The following ADAM22 variants were observed in gnomAD, a reference collection of about 807,000 sequenced individuals.
The protein encoded by ADAM22 is ADAM metallopeptidase domain 22, also known as disintegrin and metalloproteinase domain-containing protein 22.
In ADAM22, 65 loss-of-function variants were observed where a neutral mutation model predicts 144.6. The observed-to-expected ratio is 0.45, with a 90% CI of 0.37 to 0.55. The LOEUF is 0.55. Ranked by LOEUF, ADAM22 falls within the 20% of genes least tolerant of loss-of-function variation. The pLI, the probability that ADAM22 is intolerant of heterozygous loss-of-function variation, is 0.00. For synonymous variants in ADAM22, 391 were observed against 412.6 expected (o/e 0.95, Z 0.63); for missense variants, 974 against 1,184.9 (o/e 0.82, Z 2.61).
chr7:88,072,763 C>A (rs1349230777), intron 3 of ADAM22, among the ~76,000 whole-genome samples: 1 of 152,124 alleles, frequency 6.6e-6, no homozygotes, highest in African/African-American at 2.4e-5. Context: ...GATAAACATG[C>A]CTCTGTATGA....
Position 87,992,615 on chromosome 7 carries a change from G to A in ADAM22, c.323+14203G>A, listed in dbSNP as rs567863955. 1.6e-4 allele frequency among the ~76,000 whole-genome samples: 24 copies of A among 152,120 alleles called. No homozygotes were observed. In the East Asian group the frequency reaches 1.7e-3, roughly 11 times the overall value. On this transcript the variant is annotated intron_variant, in intron 3 of 31. Transcript: ENST00000413139. ...TTCCTGATTTCCATAGGTAGTATTC[G>A]TTTTTAGGTCTACTGTAAGTGAAGA... is the stretch of plus-strand genomic sequence containing the variant.
chr7:87,953,641 G>T (rs1845818524), intron 2 of ADAM22, among the ~76,000 whole-genome samples: 1 of 152,184 alleles, frequency 6.6e-6, no homozygotes, highest in African/African-American at 2.4e-5. Context: ...GGAGAGTTCT[G>T]TAGCTGTCTA....
In ADAM22 at chr7:88,016,733, G is replaced by A. The variant is rs373319197; in HGVS notation, c.323+38321G>A. On this transcript the variant is annotated intron_variant, in intron 3 of 31. Transcript: ENST00000413139. ...ATATGTGGGAGCTAAAAAAAGTTGA[G>A]CTCATAAAAGTAGAGAGGATAATTG... is the stretch of plus-strand genomic sequence containing the variant. Among the ~76,000 whole-genome samples, 3 of 152,278 alleles carry A rather than the reference G, an allele frequency of 2.0e-5. 1 individual carries two copies. The highest frequency in any genetic ancestry group is 1.9e-4 in the East Asian group (1 of 5,188).
At chr7:87,965,235 A>G (rs1441621571) in intron 2 of ADAM22, among the ~76,000 whole-genome samples, 1 of 152,246 alleles carries the variant, frequency 6.6e-6, no homozygotes, top group Admixed American at 6.5e-5. Context: ...CAGTCAAGTC[A>G]TAGGTGAAAA....
rs1267046962 is a variant in ADAM22 at position 87,935,129 on chromosome 7, C to G, written c.189C>G (p.Asp63Glu). 3.1e-6 allele frequency: 5 copies of G among 1,613,504 alleles called. No homozygotes were observed. The highest frequency in any genetic ancestry group is 1.3e-5 in the African/African-American group (1 of 74,922). Reference protein sequence around the residue: ...LRLIYRSGGEDESRHDALDTR... With the variant: ...LRLIYRSGGEEESRHDALDTR... Reference sequence around the variant, plus strand: ...TCATCTACCGCTCGGGCGGCGAAGACGAAAGTCGGCACGACGCGCTCGACA... The same window carrying G: ...TCATCTACCGCTCGGGCGGCGAAGAGGAAAGTCGGCACGACGCGCTCGACA... Residue 63 changes from aspartate (D) to glutamate (E), a missense_variant, in exon 2 of 32, where the codon GAC (aspartate) becomes GAG (glutamate). Coordinates refer to ENST00000413139, the MANE Select transcript of ADAM22 (RefSeq NM_001324418.2).
intron 17 of ADAM22, 144 bp downstream of exon 17, chr7:88,145,651 A>G (rs1836178002): frequency 1.6e-6 from 1 of 629,070 alleles, no homozygotes. Context: ...TAGGATCTTC[A>G]CAAAATCTTG....
At chr7:88,040,417 C>G (rs1441343563) in intron 3 of ADAM22, among the ~76,000 whole-genome samples, 1 of 151,944 alleles carries the variant, frequency 6.6e-6, no homozygotes, top group African/African-American at 2.4e-5. Context: ...CAGGCGTGAG[C>G]CACTGAGCCT....
At chr7:88,092,601 A>G (rs1820212970) in intron 4 of ADAM22, among the ~76,000 whole-genome samples, 1 of 152,198 alleles carries the variant, frequency 6.6e-6, no homozygotes, top group Non-Finnish European at 1.5e-5. Context: ...GTGTGGTTTC[A>G]GGAAGGTCTC....
At chr7:88,131,512 T>C in intron 11 of ADAM22, 77 bp downstream of exon 11, 1 of 1,450,902 alleles carries the variant, frequency 6.9e-7, no homozygotes, top group Non-Finnish European at 9.6e-7. Context: ...AATGTATCCT[T>C]TCTGCTACAT....
At chr7:88,170,893 G>C (rs999663766) in intron 25 of ADAM22, among the ~76,000 whole-genome samples, 3 of 151,824 alleles carry the variant, frequency 2.0e-5, no homozygotes, top group African/African-American at 7.2e-5. Flanking sequence ...CACTTAGTTG[G>C]AAACTCATTT....
intron 3 of ADAM22, among the ~76,000 whole-genome samples, chr7:88,073,036 A>G (rs1189694494): frequency 6.6e-6 from 1 of 152,206 alleles, no homozygotes; most frequent in Non-Finnish European, 1.5e-5. Context: ...TTGGATGTAC[A>G]ACAGGTACTT....
intron 3 of ADAM22, among the ~76,000 whole-genome samples, chr7:88,006,160 AT>A (rs1009892321): frequency 2.0e-5 from 3 of 152,028 alleles, no homozygotes; most frequent in Admixed American, 1.3e-4. Context: ...ATAATTTTAT[AT>A]TTTTTTCTCG....
chr7:88,108,326 A>G (rs1170710265), intron 5 of ADAM22, 68 bp downstream of exon 5: 3 of 1,217,236 alleles, frequency 2.5e-6, no homozygotes, highest in Non-Finnish European at 1.2e-6. Flanking sequence ...TTATGAATGC[A>G]CTATAGTAGA....
At chr7:88,171,483 GTC>G in intron 25 of ADAM22, 59 bp from the exon 26 acceptor site, 3 of 1,477,898 alleles carry the variant, frequency 2.0e-6, no homozygotes, top group Non-Finnish European at 1.8e-6. Flanking sequence ...CCCTCTTGAT[GTC>G]CTTCCAGAGG....
At chr7:88,133,399 TA>T (rs1292715037) in intron 12 of ADAM22, among the ~76,000 whole-genome samples, 1 of 140,324 alleles carries the variant, frequency 7.1e-6, no homozygotes, top group African/African-American at 2.6e-5. Context: ...AATAAATAAA[TA>T]AAATTAAAAA....
intron 5 of ADAM22, among the ~76,000 whole-genome samples, chr7:88,109,490 T>C (rs1188748752): frequency 2.0e-5 from 3 of 152,192 alleles, no homozygotes; most frequent in African/African-American, 4.8e-5. Context: ...TCCAGCACTT[T>C]AATTTTGTTA....
intron 3 of ADAM22, among the ~76,000 whole-genome samples, chr7:88,027,884 A>T (rs1188841281): frequency 6.6e-6 from 1 of 151,066 alleles, no homozygotes; most frequent in Non-Finnish European, 1.5e-5. Context: ...CCTACCTCCC[A>T]GGTTCAAGTG....
chr7:87,947,434 C>A (rs1488745239), intron 2 of ADAM22, among the ~76,000 whole-genome samples: 1 of 151,834 alleles, frequency 6.6e-6, no homozygotes, highest in Non-Finnish European at 1.5e-5. Flanking sequence ...TGAAGCCATT[C>A]TGGCTAGGTA....
chr7:88,130,496 T>G, intron 10 of ADAM22, 37 bp downstream of exon 10: 1 of 1,563,558 alleles, frequency 6.4e-7, no homozygotes, highest in Non-Finnish European at 8.8e-7. Context: ...CCCTAGAAGA[T>G]TCTTATTTCC....
Sources: allele counts gnomAD v4.1 joint callset (sites outside exome capture counted in the v4.1 genomes callset), GRCh38; gene constraint gnomAD v4.1.1; transcripts MANE v1.5; gene names NCBI Gene and HGNC (gene_info 2026-07-23, HGNC 2026-07-21).